The following XKR3 variants were observed in gnomAD, a reference collection of about 807,000 sequenced individuals.
XKR3 encodes the protein XK related 3, also known as XK-related protein 3.
Under a neutral mutation model 40.3 loss-of-function variants are expected in XKR3, and 27 were observed. The ratio of observed to expected loss-of-function variants is 0.67; its 90% CI spans 0.49 to 0.92. The LOEUF is 0.92. Ranked by LOEUF, XKR3 falls within the 40% of genes least tolerant of loss-of-function variation. XKR3 has a pLI of 0.00. For missense variants in XKR3, 472 were observed against 537.6 expected (o/e 0.88, Z 1.21); for synonymous variants, 193 against 195.4 (o/e 0.99, Z 0.10).
Position 16,807,775 on chromosome 22 carries a change from A to G in XKR3, c.299T>C (p.Leu100Pro), listed in dbSNP as rs774578774. 57 of 1,608,972 alleles carry G rather than the reference A, an allele frequency of 3.5e-5. No homozygotes were observed. Among genetic ancestry groups the G allele is most frequent in the Non-Finnish European group, 4.4e-5 (52 of 1,177,308 alleles). ...TCCTAAAAGAAGAATGTGCCAAAAA[A>G]GTAATGCAGCCTTATTTCTCCTCAA... The part of the protein sequence containing the change: ...KDLRRNKAAL[L>P]FWHILLLGPI... The change falls in exon 2 of 4, where the codon CTT becomes CCT. Residue 100 changes from leucine to proline, a missense_variant. Physicochemically the swap from Leu to Pro is moderately conservative, Grantham distance 98. Coordinates refer to ENST00000684488, the MANE Select transcript of XKR3 (RefSeq NM_001386955.1).
At chr22:16,813,636 T>C (rs1014695421) in intron 1 of XKR3, among the ~76,000 whole-genome samples, 10 of 152,214 alleles carry the variant, frequency 6.6e-5, no homozygotes, top group Non-Finnish European at 1.5e-4. Flanking sequence ...TCTGGAAACA[T>C]TTATATTGTG....
intron 3 of XKR3, among the ~76,000 whole-genome samples, chr22:16,785,331 A>C (rs1157048892): frequency 6.6e-6 from 1 of 151,916 alleles, no homozygotes; most frequent in Non-Finnish European, 1.5e-5. Context: ...AAACAAACAA[A>C]AAAAAAGAAG....
chr22:16,791,304 A>G (rs1247032810), intron 3 of XKR3, among the ~76,000 whole-genome samples: 1 of 151,832 alleles, frequency 6.6e-6, no homozygotes, highest in Non-Finnish European at 1.5e-5. Flanking sequence ...TCTCACTTTT[A>G]TGAGAAAACT....
intron 1 of XKR3, among the ~76,000 whole-genome samples, chr22:16,822,878 T>G (rs2146184499): frequency 6.6e-6 from 1 of 152,210 alleles, no homozygotes; most frequent in South Asian, 2.1e-4. Flanking sequence ...TTGGTTGTGG[T>G]GGGTATTTAT....
At position 16,784,131 on chromosome 22, in the gene XKR3, G is replaced by A; in HGVS notation, c.868C>T (p.Leu290Phe). ...GAATTATTTTCTTTGTTGCCAGGAA[G>A]ATGAGCTCCACTTTTCCAAAACTCC... is the stretch of plus-strand genomic sequence containing the variant. Reference protein sequence around the residue: ...WLEFWKSGAHLPGNKENNSNM... With the variant: ...WLEFWKSGAHFPGNKENNSNM... Residue 290 changes from leucine to phenylalanine, a missense_variant, in exon 4 of 4, where the codon CTT becomes TTT. Physicochemically the swap from Leu to Phe is conservative, Grantham distance 22. Transcript: ENST00000684488. 6.2e-7 allele frequency: 1 copy of A among 1,614,174 alleles called. No homozygotes were observed. The highest frequency in any genetic ancestry group is 8.5e-7 in the Non-Finnish European group (1 of 1,180,042).
At chr22:16,818,298 G>A (rs903158093) in intron 1 of XKR3, among the ~76,000 whole-genome samples, 7 of 152,158 alleles carry the variant, frequency 4.6e-5, no homozygotes, top group East Asian at 1.9e-4. Flanking sequence ...AAAACACCAC[G>A]GACATAATGA....
At position 16,812,437 on chromosome 22, in the gene XKR3, G is replaced by C. The variant is rs1601849568; in HGVS notation, c.-10-4354C>G. Reference sequence around the variant, plus strand: ...CACGTCTGTAGTCCCAGCACTTTGGGAGGCTGAGGCAGGCAGATCACGAGG... The same window carrying C: ...CACGTCTGTAGTCCCAGCACTTTGGCAGGCTGAGGCAGGCAGATCACGAGG... On this transcript the variant is annotated intron_variant, in intron 1 of 3. Transcript: ENST00000684488. Among the ~76,000 whole-genome samples the C allele has an allele frequency of 3.9e-5, 6 of 152,266 alleles. No homozygotes were observed. The South Asian group carries it at 1.2e-3, about 32-fold the overall frequency.
intron 2 of XKR3, among the ~76,000 whole-genome samples, chr22:16,803,568 A>C (rs2060177883): frequency 6.6e-6 from 1 of 152,208 alleles, no homozygotes; most frequent in African/African-American, 2.4e-5. Context: ...AATGTGTTCT[A>C]AAATGTGTGT....
At chr22:16,787,126 T>C (rs2108583) in intron 3 of XKR3, among the ~76,000 whole-genome samples, 132,784 of 151,752 alleles carry the variant, frequency 0.88, 58,231 homozygotes, top group Middle Eastern at 0.97. Context: ...CAGTTGAGAG[T>C]ATTGACAGAA....
At chr22:16,804,409 T>C (rs149346476) in intron 2 of XKR3, among the ~76,000 whole-genome samples, 4 of 144,698 alleles carry the variant, frequency 2.8e-5, no homozygotes, top group South Asian at 2.2e-4. Flanking sequence ...CAAAACATGT[T>C]TTTTTTCCCC....
chr22:16,787,028 A>C (rs1020549042), intron 3 of XKR3, among the ~76,000 whole-genome samples: 159 of 152,288 alleles, frequency 1.0e-3, no homozygotes, highest in Non-Finnish European at 2.0e-3. Context: ...GAAATTTATC[A>C]GAGAACCTTA....
At chr22:16,822,150 T>C (rs5992556) in intron 1 of XKR3, among the ~76,000 whole-genome samples, 67,551 of 151,866 alleles carry the variant, frequency 0.44, 15,353 homozygotes, top group Non-Finnish European at 0.46. Flanking sequence ...AAAATGCAAT[T>C]GACTGTTGAA....
chr22:16,809,796 T>C (rs1283256150), intron 1 of XKR3, among the ~76,000 whole-genome samples: 2 of 152,218 alleles, frequency 1.3e-5, no homozygotes, highest in Non-Finnish European at 2.9e-5. Context: ...CTGGTTCTGT[T>C]GTCCAGGCTG....
At chr22:16,795,493 G>T (rs1201129164) in intron 3 of XKR3, among the ~76,000 whole-genome samples, 1 of 152,054 alleles carries the variant, frequency 6.6e-6, no homozygotes, top group East Asian at 1.9e-4. Flanking sequence ...GCACCTAAAA[G>T]AACTGGGAGG....
intron 3 of XKR3, among the ~76,000 whole-genome samples, chr22:16,784,765 TA>T (rs751276667): frequency 1.8e-4 from 27 of 151,406 alleles, no homozygotes; most frequent in South Asian, 6.2e-4. Context: ...CAGTCTCAAT[TA>T]AAAAAAAATA....
rs2060086847 is a variant in XKR3 at position 16,785,573 on chromosome 22, T to C, written c.590-1164A>G. Among the ~76,000 whole-genome samples, 6 of 151,834 alleles carry C rather than the reference T, an allele frequency of 4.0e-5. No individual in the cohort carries two copies. The South Asian group carries it at 1.3e-3, about 32-fold the overall frequency. ...CATATACATGCAGGTTAAAAAAAAATACACTCTTCAGCTGGGCATAGTGGC... is the reference window on the plus strand; with the variant it reads ...CATATACATGCAGGTTAAAAAAAAACACACTCTTCAGCTGGGCATAGTGGC... On this transcript the variant is annotated intron_variant, in intron 3 of 3. Coordinates refer to ENST00000684488, the MANE Select transcript of XKR3 (RefSeq NM_001386955.1).
Position 16,784,009 on chromosome 22 carries a change from T to A in XKR3, c.990A>T (p.Ser330=). ...SCWSAVKLQL[S]DDKIIDGRQR... ...GTCTCCCGTCAATTATTTTGTCATC[T>A]GACAACTGCAGTTTCACTGCTGACC... is the stretch of plus-strand genomic sequence containing the variant. The change falls in exon 4 of 4, where the codon TCA becomes TCT. Residue 330 remains serine, a synonymous_variant. Transcript: ENST00000684488. The A allele has an allele frequency of 6.2e-7, 1 of 1,614,242 alleles. No individual in the cohort carries two copies. The highest frequency in any genetic ancestry group is 8.5e-7 in the Non-Finnish European group (1 of 1,180,036).
chr22:16,797,792 CAA>C (rs558060655), intron 3 of XKR3, among the ~76,000 whole-genome samples: 57 of 87,960 alleles, frequency 6.5e-4, no homozygotes, highest in African/African-American at 1.4e-3. Context: ...GACTCTGTCT[CAA>C]AAAAAAAAAA....
intron 1 of XKR3, among the ~76,000 whole-genome samples, chr22:16,820,141 AC>A (rs2060249680): frequency 1.3e-5 from 2 of 152,184 alleles, no homozygotes; most frequent in Non-Finnish European, 2.9e-5. Context: ...CTGTCAGACA[AC>A]CTTGCAACTC....
Sources: gnomAD v4.1 joint callset for allele counts (sites outside exome capture counted in the v4.1 genomes callset) on GRCh38, gnomAD v4.1.1 for gene constraint, MANE v1.5 for transcripts, NCBI Gene and HGNC (gene_info 2026-07-23, HGNC 2026-07-21) for gene names.